MLLT10: variants seen among roughly 807,000 people sequenced by gnomAD.
MLLT10 encodes MLLT10 histone lysine methyltransferase DOT1L cofactor.
Under a neutral mutation model 129.1 loss-of-function variants are expected in MLLT10, and 30 were observed. That is an observed-to-expected ratio of 0.23 (90% CI 0.17 to 0.32). MLLT10 has a LOEUF of 0.32. Ranked by LOEUF, MLLT10 falls within the 10% of genes least tolerant of loss-of-function variation. The pLI is 1.00. For synonymous variants in MLLT10, 490 were observed against 446.4 expected (o/e 1.10, Z -1.23); for missense variants, 1,119 against 1,268.3 (o/e 0.88, Z 1.79).
intron 3 of MLLT10, among the ~76,000 whole-genome samples, chr10:21,569,840 C>T (rs2040009187): frequency 6.6e-6 from 1 of 152,100 alleles, no homozygotes; most frequent in African/African-American, 2.4e-5. Context: ...CCTCCTCCTG[C>T]CTTAGCCTTC....
At chr10:21,642,656 CAAAAAA>C (rs374427646) in intron 8 of MLLT10, among the ~76,000 whole-genome samples, 2 of 99,686 alleles carry the variant, frequency 2.0e-5, no homozygotes, top group Non-Finnish European at 3.9e-5. Context: ...GACTCTGTCT[CAAAAAA>C]AAAAAAAAAA....
chr10:21,713,899 G>T lies in MLLT10; in HGVS notation c.1827G>T (p.Ala609=). 2 of 1,613,792 alleles carry T rather than the reference G, an allele frequency of 1.2e-6. No individual in the cohort carries two copies. Among genetic ancestry groups the T allele is most frequent in the Non-Finnish European group, 1.7e-6 (2 of 1,179,858 alleles). ...CTGGGCATTTGCAACAAGTAGGAGCGCTCTCTCCCTCAGCTGTGTCATCTG... is the reference window on the plus strand; with the variant it reads ...CTGGGCATTTGCAACAAGTAGGAGCTCTCTCTCCCTCAGCTGTGTCATCTG... ...QSSGHLQQVG[A]LSPSAVSSAA... is the part of the protein sequence containing the mutation. The change falls in exon 14 of 23, where the codon GCG becomes GCT. Residue 609 remains alanine, a synonymous_variant. Coordinates refer to ENST00000307729, the MANE Select transcript of MLLT10 (RefSeq NM_001195626.3).
intron 5 of MLLT10, among the ~76,000 whole-genome samples, chr10:21,609,734 T>TC (rs2044409684): frequency 6.6e-6 from 1 of 152,222 alleles, no homozygotes; most frequent in Admixed American, 6.5e-5. Flanking sequence ...TTTTGTTTTT[T>TC]CCCTCTGACT....
At chr10:21,671,368 A>G (rs1382783348) in intron 10 of MLLT10, among the ~76,000 whole-genome samples, 1 of 152,206 alleles carries the variant, frequency 6.6e-6, no homozygotes. Flanking sequence ...AAAAACAATT[A>G]AGGTTGGCCG....
chr10:21,735,257 T>C lies in MLLT10; in HGVS notation c.2955+22T>C, dbSNP rs557426621. Reference sequence around the variant, plus strand: ...ACCAGTAAGTTCTTTCTTTTGATAATATCTTATTAGGAGCATGTGTTCTAA... The same window carrying C: ...ACCAGTAAGTTCTTTCTTTTGATAACATCTTATTAGGAGCATGTGTTCTAA... On this transcript the variant is annotated intron_variant, in intron 21 of 22. Transcript: ENST00000307729. The C allele has an allele frequency of 1.3e-3, 2,010 of 1,536,392 alleles. 3 individuals are homozygous for C. The highest frequency in any genetic ancestry group is 1.9e-3 in the Admixed American group (112 of 59,532).
rs993493277 is a variant in MLLT10 at position 21,613,192 on chromosome 10, C to CAAAAAAA, written c.509+761_509+767dup. ...CTGGCGACAAACCAAGACTCTGTCT[C>CAAAAAAA]AAAAAAAAAAAAAAAAAAAAAAAAA... On this transcript the variant is annotated intron_variant, in intron 6 of 22. Coordinates refer to ENST00000307729, the MANE Select transcript of MLLT10 (RefSeq NM_001195626.3). 1.3e-3 allele frequency among the ~76,000 whole-genome samples: 32 copies of CAAAAAAA among 24,638 alleles called. 2 individuals carry two copies. Among genetic ancestry groups the CAAAAAAA allele is most frequent in the African/African-American group, 4.4e-3 (32 of 7,212 alleles). The allele number at this position is 24,638 out of a possible 152,430, so 16.2% of individuals were successfully genotyped here. A position where few individuals can be genotyped will look rare whatever the true frequency, so the allele number is the denominator to read the frequency against.
chr10:21,594,130 G>A (rs548582503), intron 4 of MLLT10, among the ~76,000 whole-genome samples: 1 of 151,754 alleles, frequency 6.6e-6, no homozygotes, highest in East Asian at 1.9e-4. Context: ...TGTACTTTTT[G>A]TGTATTCTTA....
At chr10:21,558,530 T>C (rs141437508) in intron 3 of MLLT10, among the ~76,000 whole-genome samples, 7 of 151,584 alleles carry the variant, frequency 4.6e-5, no homozygotes, top group Non-Finnish European at 1.0e-4. Flanking sequence ...CTGAGCAAGT[T>C]TCTTCTTCTT....
intron 3 of MLLT10, among the ~76,000 whole-genome samples, chr10:21,577,295 T>C (rs1471830506): frequency 1.3e-5 from 2 of 152,218 alleles, no homozygotes; most frequent in African/African-American, 2.4e-5. Context: ...GTATATACTT[T>C]TGCAATGTTA....
rs7067619 is a variant in MLLT10 at position 21,684,013 on chromosome 10, T to A, written c.1699+1756T>A. On this transcript the variant is annotated intron_variant, in intron 13 of 22. Transcript: ENST00000307729. ...AATTTTATTTTTTTTTCTAACTTTT[T>A]ATTTTTTTTTAGAAGCAAGATCTTG... Among the ~76,000 whole-genome samples, 1,359 of 152,178 alleles carry A rather than the reference T, an allele frequency of 8.9e-3. 13 individuals are homozygous for A. The highest frequency in any genetic ancestry group is 0.031 in the African/African-American group (1,282 of 41,518).
At chr10:21,609,118 C>T (rs1255694191) in intron 5 of MLLT10, among the ~76,000 whole-genome samples, 2 of 152,148 alleles carry the variant, frequency 1.3e-5, no homozygotes, top group African/African-American at 2.4e-5. Flanking sequence ...ATGTAGGACC[C>T]ACCTTCCCTC....
intron 3 of MLLT10, among the ~76,000 whole-genome samples, chr10:21,577,322 G>T (rs984724483): frequency 6.6e-6 from 1 of 152,136 alleles, no homozygotes; most frequent in Non-Finnish European, 1.5e-5. Flanking sequence ...ACGTTATTAT[G>T]AACATTTGTC....
At chr10:21,709,259 A>G (rs1318480137) in intron 13 of MLLT10, among the ~76,000 whole-genome samples, 1 of 145,014 alleles carries the variant, frequency 6.9e-6, no homozygotes, top group East Asian at 2.0e-4. Context: ...TTTTTTTGAG[A>G]TGGAGTCTTG....
chr10:21,614,305 A>G (rs1258456896), intron 6 of MLLT10, among the ~76,000 whole-genome samples: 1 of 151,150 alleles, frequency 6.6e-6, no homozygotes, highest in East Asian at 1.9e-4. Flanking sequence ...GAAAAGCACA[A>G]TTTATGTTTA....
intron 13 of MLLT10, among the ~76,000 whole-genome samples, chr10:21,697,133 T>TCTCCC (rs2054455013): frequency 1.4e-5 from 2 of 147,586 alleles, no homozygotes; most frequent in South Asian, 4.3e-4. Context: ...GAGGGAGAAT[T>TCTCCC]TATTAGGTGT....
Position 21,625,987 on chromosome 10 carries a change from T to C in MLLT10, c.699+8780T>C, listed in dbSNP as rs1048013538. ...GTTGCACACCAGAGTACACACTGTT[T>C]GGTGGAGGCCCACCATACTTCCTCT... On this transcript the variant is annotated intron_variant, in intron 8 of 22. Transcript: ENST00000307729. 3 of 926,722 alleles carry C rather than the reference T, an allele frequency of 3.2e-6. No individual in the cohort carries two copies. The East Asian group carries it at 7.2e-5, about 22-fold the overall frequency. 57.4% of individuals were successfully genotyped at this position (926,722 alleles called of 1,614,324 possible).
rs775460288 is a variant in MLLT10, at chr10:21,651,903, C to CTTTTTT, written c.795+157_795+162dup. 246 of 133,776 alleles carry CTTTTTT rather than the reference C, an allele frequency of 1.8e-3. 13 individuals carry two copies. The highest frequency in any genetic ancestry group is 3.3e-3 in the Middle Eastern group (1 of 304). The allele number at this position is 133,776 out of a possible 1,614,324, so 8.3% of individuals were successfully genotyped here. A position where few individuals can be genotyped will look rare whatever the true frequency, so the allele number is the denominator to read the frequency against. Reference sequence around the variant, plus strand: ...TATCAGGCACTTAGAATTCTCATTTCTTTTTTTTTTTTTTTTTTTTTTTTT... The same window carrying CTTTTTT: ...TATCAGGCACTTAGAATTCTCATTTCTTTTTTTTTTTTTTTTTTTTTTTTTTTTTTT... On this transcript the variant is annotated intron_variant, in intron 9 of 22. Coordinates refer to ENST00000307729, the MANE Select transcript of MLLT10 (RefSeq NM_001195626.3).
At chr10:21,601,097 T>C (rs1452136753) in intron 5 of MLLT10, among the ~76,000 whole-genome samples, 1 of 151,990 alleles carries the variant, frequency 6.6e-6, no homozygotes, top group African/African-American at 2.4e-5. Flanking sequence ...GCATGCACCA[T>C]CATGTCTGGC....
At position 21,562,894 on chromosome 10, in the gene MLLT10, A is replaced by G. The variant is rs1319753265; in HGVS notation, c.241-23400A>G. ...GAGTGCAATGGCACGATCTTGGCTC[A>G]CCACAGCCTCCGCCTCCTGGGTTCA... On this transcript the variant is annotated intron_variant, in intron 3 of 22. Transcript: ENST00000307729. 2.9e-4 allele frequency among the ~76,000 whole-genome samples: 38 copies of G among 130,446 alleles called. 1 individual carries two copies. The highest frequency in any genetic ancestry group is 1.1e-3 in the African/African-American group (36 of 32,904). The allele number at this position is 130,446 out of a possible 152,430, so 85.6% of individuals were successfully genotyped here.
Sources: gnomAD v4.1 joint callset for allele counts (sites outside exome capture counted in the v4.1 genomes callset) on GRCh38, gnomAD v4.1.1 for gene constraint, MANE v1.5 for transcripts, NCBI Gene and HGNC (gene_info 2026-07-23, HGNC 2026-07-21) for gene names.